ILRUN: variants seen among roughly 807,000 people sequenced by gnomAD.
The protein encoded by ILRUN is inflammation and lipid regulator with UBA-like and NBR1-like domains.
In ILRUN, 3 loss-of-function variants were observed where a neutral mutation model predicts 33.8. That is an observed-to-expected ratio of 0.09 (90% CI 0.04 to 0.23). The LOEUF is 0.23. ILRUN is among the 10% of genes least tolerant of loss of function. ILRUN has a pLI of 1.00. For synonymous variants in ILRUN, 124 were observed against 138.9 expected (o/e 0.89, Z 0.75); for missense variants, 210 against 375.1 (o/e 0.56, Z 3.64).
chr6:34,633,073 C>T (rs1470936899), intron 3 of ILRUN, among the ~76,000 whole-genome samples: 4 of 152,106 alleles, frequency 2.6e-5, no homozygotes, highest in Non-Finnish European at 4.4e-5. Context: ...ATGATACATG[C>T]AGGTTGAAAG....
chr6:34,662,124 CAAAAAAAAAAAA>C lies in ILRUN; in HGVS notation c.159-7357_159-7346del, dbSNP rs57423564. On this transcript the variant is annotated intron_variant, in intron 1 of 4. Coordinates refer to ENST00000374023, the MANE Select transcript of ILRUN (RefSeq NM_024294.4). ...TGGGCGACAGAGCGAGACTCCGTCTCAAAAAAAAAAAAAAAAAAAAAAAAAAAAAAAATTAGC... is the reference window on the plus strand; with the variant it reads ...TGGGCGACAGAGCGAGACTCCGTCTCAAAAAAAAAAAAAAAAAAAATTAGC... Among the ~76,000 whole-genome samples the C allele has an allele frequency of 1.7e-3, 68 of 39,980 alleles. 1 individual carries two copies. Among genetic ancestry groups the C allele is most frequent in the Admixed American group, 3.3e-3 (8 of 2,394 alleles). 26.2% of individuals were successfully genotyped at this position (39,980 alleles called of 152,430 possible). A position where few individuals can be genotyped will look rare whatever the true frequency, so the allele number is the denominator to read the frequency against.
intron 1 of ILRUN, among the ~76,000 whole-genome samples, chr6:34,666,680 T>C (rs1389900850): frequency 6.6e-6 from 1 of 152,232 alleles, no homozygotes; most frequent in Admixed American, 6.5e-5. Flanking sequence ...ACAGTCCTCC[T>C]TTTCTTTTAC....
In ILRUN at chr6:34,599,665, A is replaced by T. The variant is rs140284889; in HGVS notation, c.861+6890T>A. Among the ~76,000 whole-genome samples the T allele has an allele frequency of 3.6e-3, 543 of 152,308 alleles. 7 individuals carry two copies. The highest frequency in any genetic ancestry group is 7.2e-3 in the African/African-American group (300 of 41,552). ...ATCACATTCAGTCTTACAGCATTAGATGCCATCCATGTGACATAACTCTCA... is the reference window on the plus strand; with the variant it reads ...ATCACATTCAGTCTTACAGCATTAGTTGCCATCCATGTGACATAACTCTCA... On this transcript the variant is annotated intron_variant, in intron 4 of 4. Coordinates refer to ENST00000374023, the MANE Select transcript of ILRUN (RefSeq NM_024294.4).
chr6:34,639,535 T>C (rs1033883759), intron 3 of ILRUN, among the ~76,000 whole-genome samples: 1 of 152,192 alleles, frequency 6.6e-6, no homozygotes, highest in South Asian at 2.1e-4. Flanking sequence ...CAGAGTCCAA[T>C]GTCCTATAGA....
chr6:34,691,587 G>A (rs1385746366), intron 1 of ILRUN, among the ~76,000 whole-genome samples: 1 of 152,142 alleles, frequency 6.6e-6, no homozygotes, highest in Non-Finnish European at 1.5e-5. Context: ...TTGAGGTCAG[G>A]GGTTCGAGAC....
intron 3 of ILRUN, 100 bp from the exon 4 acceptor site, chr6:34,607,004 A>C: frequency 1.1e-6 from 1 of 878,678 alleles, no homozygotes; most frequent in Non-Finnish European, 1.7e-6. Context: ...CCACAGAATG[A>C]AACATTCTTC....
intron 4 of ILRUN, 80 bp downstream of exon 4, chr6:34,606,475 G>GGA (rs1167765889): frequency 1.3e-5 from 15 of 1,162,046 alleles, no homozygotes; most frequent in East Asian, 9.4e-5. Flanking sequence ...CGGCAGTCTA[G>GGA]GATTCTAGGT....
intron 1 of ILRUN, among the ~76,000 whole-genome samples, chr6:34,682,446 G>T (rs1402430299): frequency 6.6e-6 from 1 of 150,962 alleles, no homozygotes; most frequent in African/African-American, 2.4e-5. Context: ...TTTTAGTAGA[G>T]ACACGGTTTC....
chr6:34,633,902 AGGG>A (rs1191724143), intron 3 of ILRUN, among the ~76,000 whole-genome samples: 1 of 40,022 alleles, frequency 2.5e-5, no homozygotes, highest in Non-Finnish European at 4.5e-5. Flanking sequence ...GGAGGGAGGG[AGGG>A]AGGGAGGGAG....
At chr6:34,594,791 G>A (rs2127307829) in intron 4 of ILRUN, among the ~76,000 whole-genome samples, 1 of 152,358 alleles carries the variant, frequency 6.6e-6, no homozygotes, top group Middle Eastern at 3.4e-3. Flanking sequence ...ATTGATTACA[G>A]TAGTTGGGCC....
intron 3 of ILRUN, among the ~76,000 whole-genome samples, chr6:34,614,443 A>AAATATAT (rs71000073): frequency 4.4e-4 from 59 of 133,580 alleles, no homozygotes; most frequent in East Asian, 1.8e-3. Flanking sequence ...AAAAAAAAAA[A>AAATATAT]ATATATATAT....
At chr6:34,621,598 C>A (rs1262126176) in intron 3 of ILRUN, among the ~76,000 whole-genome samples, 2 of 152,146 alleles carry the variant, frequency 1.3e-5, no homozygotes, top group Non-Finnish European at 2.9e-5. Context: ...GTGGCTCATG[C>A]CTGTAATCCC....
At chr6:34,634,575 AAAGAG>A (rs757402953) in intron 3 of ILRUN, among the ~76,000 whole-genome samples, 5 of 152,278 alleles carry the variant, frequency 3.3e-5, no homozygotes, top group Non-Finnish European at 5.9e-5. Context: ...AAAGAAAGAA[AAAGAG>A]AAGAGACACA....
At chr6:34,645,114 T>C (rs1455481525) in intron 3 of ILRUN, among the ~76,000 whole-genome samples, 1 of 152,128 alleles carries the variant, frequency 6.6e-6, no homozygotes, top group Non-Finnish European at 1.5e-5. Flanking sequence ...CAAAAACATA[T>C]ATGAGATCAC....
chr6:34,605,110 C>A (rs1761598181), intron 4 of ILRUN, among the ~76,000 whole-genome samples: 1 of 152,088 alleles, frequency 6.6e-6, no homozygotes, highest in Non-Finnish European at 1.5e-5. Flanking sequence ...AGTTACAGAC[C>A]AGCATGACCA....
chr6:34,647,234 A>G (rs1762577784), intron 2 of ILRUN, among the ~76,000 whole-genome samples: 1 of 152,216 alleles, frequency 6.6e-6, no homozygotes, highest in African/African-American at 2.4e-5. Context: ...TTCCACAGAA[A>G]CAAGAGGATG....
At chr6:34,692,506 G>A (rs772497662) in intron 1 of ILRUN, among the ~76,000 whole-genome samples, 20 of 152,088 alleles carry the variant, frequency 1.3e-4, no homozygotes, top group Non-Finnish European at 2.2e-4. Context: ...TAAATGATGC[G>A]TAGAACAACA....
chr6:34,611,677 A>G (rs1296404002), intron 3 of ILRUN, among the ~76,000 whole-genome samples: 1 of 152,102 alleles, frequency 6.6e-6, no homozygotes, highest in Non-Finnish European at 1.5e-5. Flanking sequence ...ACTAGCTGCT[A>G]GCCAGATACT....
At chr6:34,654,165 CAA>C (rs201289435) in intron 2 of ILRUN, among the ~76,000 whole-genome samples, 39 of 121,690 alleles carry the variant, frequency 3.2e-4, no homozygotes, top group Non-Finnish European at 3.2e-4. Flanking sequence ...CTTGTGGTTG[CAA>C]AAAAAAAAAA....
Sources: allele counts gnomAD v4.1 joint callset (sites outside exome capture counted in the v4.1 genomes callset), GRCh38; gene constraint gnomAD v4.1.1; transcripts MANE v1.5; gene names NCBI Gene and HGNC (gene_info 2026-07-23, HGNC 2026-07-21).